ZNF708: variants seen among roughly 807,000 people sequenced by gnomAD.
The protein encoded by ZNF708 is zinc finger protein 708, also known as ZNF15, ZNF15L1.
In ZNF708, 44 loss-of-function variants were observed where a neutral mutation model predicts 47.0. That is an observed-to-expected ratio of 0.94 (90% CI 0.74 to 1.20). The LOEUF (loss-of-function observed/expected upper bound fraction) is 1.20, where lower values mean the gene tolerates loss of function less well. Among genes scored for constraint, ZNF708 ranks in the 50% most tolerant of loss-of-function variants. ZNF708 has a pLI of 0.00. For missense variants in ZNF708, 557 were observed against 656.0 expected (o/e 0.85, Z 1.65); for synonymous variants, 184 against 218.5 (o/e 0.84, Z 1.39).
At chr19:21,326,217 C>T (rs1973253050) in intron 1 of ZNF708, among the ~76,000 whole-genome samples, 1 of 152,186 alleles carries the variant, frequency 6.6e-6, no homozygotes, top group African/African-American at 2.4e-5. Flanking sequence ...AATTGGGTAT[C>T]TACCCAGAGG....
chr19:21,311,219 C>A (rs938066125), intron 1 of ZNF708, among the ~76,000 whole-genome samples: 15 of 151,460 alleles, frequency 9.9e-5, no homozygotes, highest in African/African-American at 3.7e-4. Context: ...TTTCCAAAGA[C>A]ATATGTATAC....
At position 21,294,620 on chromosome 19, in the gene ZNF708, C is replaced by G; in HGVS notation, c.346G>C (p.Asp116His). The G allele has an allele frequency of 6.2e-7, 1 of 1,614,136 alleles. No individual in the cohort carries two copies. The highest frequency in any genetic ancestry group is 8.5e-7 in the Non-Finnish European group (1 of 1,180,010). Reference protein sequence around the residue: ...CGYQKGCKSVDEHKLHKGGHK... With the variant: ...CGYQKGCKSVHEHKLHKGGHK... ...CCTCCTTTGTGCAACTTATGCTCATCCACACTTTTACAGCCTTTCTGATAT... is the reference window on the plus strand; with the variant it reads ...CCTCCTTTGTGCAACTTATGCTCATGCACACTTTTACAGCCTTTCTGATAT... The change falls in exon 4 of 4, where the codon GAT (aspartate) becomes CAT (histidine). Residue 116 changes from aspartate to histidine, a missense_variant. Physicochemically the swap from Asp to His is moderately conservative, Grantham distance 81 (BLOSUM62 -1). Transcript: ENST00000356929.
At chr19:21,327,366 C>A (rs1973281715) in intron 1 of ZNF708, among the ~76,000 whole-genome samples, 1 of 152,032 alleles carries the variant, frequency 6.6e-6, no homozygotes, top group Non-Finnish European at 1.5e-5. Context: ...CCCATCTCTA[C>A]TAAAAATACA....
chr19:21,297,417 G>T (rs1599669377), intron 3 of ZNF708, among the ~76,000 whole-genome samples: 1 of 148,162 alleles, frequency 6.7e-6, no homozygotes, highest in Non-Finnish European at 1.5e-5. Flanking sequence ...CATTAAAATT[G>T]TTTTATTTTC....
In ZNF708 at chr19:21,294,237, C is replaced by T. The variant is rs1972476519; in HGVS notation, c.729G>A (p.Lys243=). ...FNQSSTLTRH[K]IIHTGEKLYK... ...AGAGTTTCTCTCCAGTATGAATTAT[C>T]TTATGTCTAGTAAGAGTTGAGGACT... The change falls in exon 4 of 4, where the codon AAG becomes AAA. Residue 243 remains lysine (K), a synonymous_variant. Transcript: ENST00000356929. 3 of 1,612,762 alleles carry T rather than the reference C, an allele frequency of 1.9e-6. No homozygotes were observed. Among genetic ancestry groups the T allele is most frequent in the Non-Finnish European group, 2.5e-6 (3 of 1,179,948 alleles).
At position 21,293,888 on chromosome 19, in the gene ZNF708, CAG is replaced by C. The variant is rs1972460086; in HGVS notation, c.1076_1077del (p.Thr359ArgfsTer8). 6.2e-7 allele frequency: 1 copy of C among 1,613,212 alleles called. No homozygotes were observed. Among genetic ancestry groups the C allele is most frequent in the South Asian group, 1.1e-5 (1 of 91,062 alleles). On this transcript the variant is annotated frameshift_variant, in exon 4 of 4. Transcript: ENST00000356929. LOFTEE classifies it high-confidence loss of function. ...TCTTCACATTTGTAGGGTTTCTCTT[CAG>C]TATGAATTATCTTATGTTTAGTAAG... ...STLTKHKIIH[T>X]EEKPYKCEEC... is the part of the protein sequence containing the mutation.
chr19:21,325,296 C>T (rs190193587), intron 1 of ZNF708, among the ~76,000 whole-genome samples: 1 of 152,278 alleles, frequency 6.6e-6, no homozygotes, highest in East Asian at 1.9e-4. Context: ...GGAGGCATAA[C>T]ATTACCTGAT....
chr19:21,318,443 G>A (rs1973060132), intron 1 of ZNF708: 1 of 152,048 alleles, frequency 6.6e-6, no homozygotes, highest in African/African-American at 2.4e-5. Flanking sequence ...ATTATATTGA[G>A]AGAAAAAAGA....
chr19:21,301,435 A>G (rs773057079), intron 3 of ZNF708, among the ~76,000 whole-genome samples: 59 of 152,108 alleles, frequency 3.9e-4, no homozygotes, highest in Non-Finnish European at 6.8e-4. Context: ...CAAGATGGTG[A>G]AACCCCATCT....
Position 21,293,874 on chromosome 19 carries a change from G to A in ZNF708, c.1092C>T (p.Tyr364=). 2 of 1,613,312 alleles carry A rather than the reference G, an allele frequency of 1.2e-6. No homozygotes were observed. The highest frequency in any genetic ancestry group is 1.7e-6 in the Non-Finnish European group (2 of 1,179,786). Residue 364 remains tyrosine, a synonymous_variant, in exon 4 of 4, where the codon TAC becomes TAT. Coordinates refer to ENST00000356929, the MANE Select transcript of ZNF708 (RefSeq NM_021269.3). ...HKIIHTEEKP[Y]KCEECGKAFN... is the part of the protein sequence containing the mutation. ...AAGCTTTGCCACATTCTTCACATTT[G>A]TAGGGTTTCTCTTCAGTATGAATTA...
rs745547515 is a variant in ZNF708 at position 21,294,475 on chromosome 19, C to T, written c.491G>A (p.Gly164Glu). Residue 164 changes from glycine (G) to glutamate (E), a missense_variant, in exon 4 of 4, where the codon GGA becomes GAA. Transcript: ENST00000356929. ...NAKRHKIRHT[G>E]KNPFKCKECG... ...TTCTTTACATTTGAAAGGATTTTTT[C>T]CAGTATGTCTTATCTTATGTCTCTT... The T allele has an allele frequency of 6.2e-7, 1 of 1,614,102 alleles. No individual in the cohort carries two copies. The highest frequency in any genetic ancestry group is 1.1e-5 in the South Asian group (1 of 91,072).
chr19:21,314,288 T>C (rs926431519), intron 1 of ZNF708, among the ~76,000 whole-genome samples: 8 of 152,178 alleles, frequency 5.3e-5, no homozygotes, highest in African/African-American at 1.9e-4. Context: ...GTAATTTTAA[T>C]CTTTTCTAGC....
intron 1 of ZNF708, among the ~76,000 whole-genome samples, chr19:21,322,790 C>G (rs1973179166): frequency 6.6e-6 from 1 of 152,250 alleles, no homozygotes; most frequent in South Asian, 2.1e-4. Flanking sequence ...TACTGAAAAC[C>G]AAGCAATTCT....
chr19:21,316,471 G>A (rs1205478345), intron 1 of ZNF708, among the ~76,000 whole-genome samples: 1 of 152,104 alleles, frequency 6.6e-6, no homozygotes, highest in Admixed American at 6.6e-5. Context: ...TCAGAAATTG[G>A]AGCTGCAGAT....
chr19:21,313,879 C>G (rs1403574722), intron 1 of ZNF708, among the ~76,000 whole-genome samples: 1 of 151,788 alleles, frequency 6.6e-6, no homozygotes, highest in African/African-American at 2.4e-5. Context: ...TTTTTTGTGA[C>G]TTGTGGAACA....
At chr19:21,327,206 A>T (rs536899817) in intron 1 of ZNF708, among the ~76,000 whole-genome samples, 15 of 152,184 alleles carry the variant, frequency 9.9e-5, no homozygotes, top group Admixed American at 8.5e-4. Flanking sequence ...AAGGTGACAA[A>T]CCCAGGGAGT....
chr19:21,302,335 ATAAC>A (rs1972675728), intron 3 of ZNF708, among the ~76,000 whole-genome samples: 1 of 151,856 alleles, frequency 6.6e-6, no homozygotes, highest in African/African-American at 2.4e-5. Flanking sequence ...TTCAATATCA[ATAAC>A]TACTGAAAAA....
intron 3 of ZNF708, among the ~76,000 whole-genome samples, chr19:21,303,051 C>T (rs1010081659): frequency 7.2e-5 from 11 of 152,008 alleles, no homozygotes; most frequent in African/African-American, 2.7e-4. Context: ...AGTTTGAGAT[C>T]AGCCTGAGCA....
At chr19:21,305,425 G>GT (rs1451734341) in intron 3 of ZNF708, among the ~76,000 whole-genome samples, 5 of 151,188 alleles carry the variant, frequency 3.3e-5, no homozygotes, top group Non-Finnish European at 7.4e-5. Context: ...TAATCACACA[G>GT]TTTTTTACAG....
Sources: gnomAD v4.1 joint callset for allele counts (sites outside exome capture counted in the v4.1 genomes callset) on GRCh38, gnomAD v4.1.1 for gene constraint, MANE v1.5 for transcripts, NCBI Gene and HGNC (gene_info 2026-07-23, HGNC 2026-07-21) for gene names.